C12orf42: variants seen among roughly 807,000 people sequenced by gnomAD.
C12orf42 encodes chromosome 12 open reading frame 42, also known as uncharacterized protein C12orf42.
Under a neutral mutation model 21.6 loss-of-function variants are expected in C12orf42, and 25 were observed. The observed-to-expected ratio is 1.16, with a 90% confidence interval of 0.84 to 1.62. The LOEUF (loss-of-function observed/expected upper bound fraction) is 1.62. Among genes scored for constraint, C12orf42 ranks in the 40% most tolerant of loss-of-function variants. The pLI is 0.00. For missense variants in C12orf42, 483 were observed against 459.3 expected (o/e 1.05, Z -0.47); for synonymous variants, 174 against 175.0 (o/e 0.99, Z 0.05).
chr12:103,487,710 T>G (rs1954928192), intron 1 of C12orf42, among the ~76,000 whole-genome samples: 1 of 152,232 alleles, frequency 6.6e-6, no homozygotes, highest in African/African-American at 2.4e-5. Context: ...CATTATATAA[T>G]GGCCTTCTTT....
intron 10 of C12orf42, among the ~76,000 whole-genome samples, chr12:103,261,350 T>G (rs1183754091): frequency 6.6e-6 from 1 of 151,726 alleles, no homozygotes; most frequent in Non-Finnish European, 1.5e-5. Context: ...GGCTATGTGG[T>G]ATATGCCTGT....
At chr12:103,412,472 T>C (rs4488299) in intron 2 of C12orf42, among the ~76,000 whole-genome samples, 124,747 of 152,160 alleles carry the variant, frequency 0.82, 51,202 homozygotes, top group Admixed American at 0.88. Flanking sequence ...AGTTCGAGAC[T>C]GGCCTGGCCA....
At chr12:103,210,943 C>T in the C12orf42 span, among the ~76,000 whole-genome samples, 6 of 151,986 alleles carry the variant, frequency 3.9e-5, no homozygotes, top group Non-Finnish European at 8.8e-5. Flanking sequence ...GAGCTATGAT[C>T]GCACCACATC....
chr12:103,208,232 C>T, the C12orf42 span, among the ~76,000 whole-genome samples: 1 of 152,196 alleles, frequency 6.6e-6, no homozygotes, highest in Non-Finnish European at 1.5e-5. Flanking sequence ...TGAAGAGGGG[C>T]TGGCCCATTG....
intron 2 of C12orf42, among the ~76,000 whole-genome samples, chr12:103,451,841 C>T (rs1163986925): frequency 6.6e-6 from 1 of 151,978 alleles, no homozygotes; most frequent in Non-Finnish European, 1.5e-5. Flanking sequence ...AGTTTGCTTG[C>T]CATTTTCCCA....
the C12orf42 span, among the ~76,000 whole-genome samples, chr12:103,554,458 T>G: frequency 1.1e-4 from 16 of 152,160 alleles, no homozygotes. Context: ...TCTCCCAGTT[T>G]GAGTTCTCCA....
the C12orf42 span, among the ~76,000 whole-genome samples, chr12:103,224,537 G>A: frequency 6.6e-6 from 1 of 152,238 alleles, no homozygotes; most frequent in East Asian, 1.9e-4. Context: ...GGGGTCAGGT[G>A]TGGTATCAGG....
the C12orf42 span, among the ~76,000 whole-genome samples, chr12:103,134,140 T>G: frequency 6.6e-6 from 1 of 152,128 alleles, no homozygotes; most frequent in Non-Finnish European, 1.5e-5. Context: ...TTTTAAAAAT[T>G]GAAAGAAGTG....
intron 4 of C12orf42, among the ~76,000 whole-genome samples, chr12:103,325,423 T>C (rs1463578478): frequency 6.6e-6 from 1 of 152,220 alleles, no homozygotes; most frequent in Non-Finnish European, 1.5e-5. Flanking sequence ...CCTGCCCAAC[T>C]ACAGGTTCTC....
intron 4 of C12orf42, among the ~76,000 whole-genome samples, chr12:103,296,490 C>T (rs182759839): frequency 1.4e-4 from 22 of 152,236 alleles, no homozygotes; most frequent in Admixed American, 7.2e-4. Context: ...AGTGTAAAAG[C>T]GTTCCTATTT....
At chr12:103,391,010 G>T (rs1353232703) in intron 3 of C12orf42, among the ~76,000 whole-genome samples, 1 of 152,060 alleles carries the variant, frequency 6.6e-6, no homozygotes, top group Non-Finnish European at 1.5e-5. Flanking sequence ...CAATCAAGTT[G>T]GCACAAAATG....
intron 4 of C12orf42, among the ~76,000 whole-genome samples, chr12:103,364,803 C>G (rs751077489): frequency 2.6e-5 from 4 of 151,910 alleles, no homozygotes; most frequent in Admixed American, 1.3e-4. Context: ...AAACCCTGAA[C>G]AGAACAATAA....
At chr12:103,347,089 G>T (rs1360794334) in intron 4 of C12orf42, among the ~76,000 whole-genome samples, 1 of 151,990 alleles carries the variant, frequency 6.6e-6, no homozygotes, top group Admixed American at 6.6e-5. Context: ...TTAAGTTCTG[G>T]GTTACATGAG....
the C12orf42 span, among the ~76,000 whole-genome samples, chr12:103,533,919 A>C: frequency 6.9e-6 from 1 of 144,274 alleles, no homozygotes; most frequent in South Asian, 2.3e-4. Context: ...AGTCTTGGGC[A>C]AGTCTTAATT....
At chr12:103,393,714 AG>A (rs1469627910) in intron 3 of C12orf42, among the ~76,000 whole-genome samples, 18 of 152,324 alleles carry the variant, frequency 1.2e-4, no homozygotes, top group African/African-American at 4.1e-4. Context: ...ATTAATGCCT[AG>A]TATATATTGC....
At chr12:103,112,766 G>A in the C12orf42 span, among the ~76,000 whole-genome samples, 1 of 152,134 alleles carries the variant, frequency 6.6e-6, no homozygotes, top group South Asian at 2.1e-4. Flanking sequence ...TCATGATCTG[G>A]TCTCTACAGC....
chr12:103,134,534 A>G, the C12orf42 span, among the ~76,000 whole-genome samples: 5 of 151,962 alleles, frequency 3.3e-5, no homozygotes, highest in Non-Finnish European at 7.4e-5. Flanking sequence ...CAGAACTTAA[A>G]GACAGGTATT....
At chr12:103,320,219 A>T (rs11111524) in intron 4 of C12orf42, among the ~76,000 whole-genome samples, 5 of 152,200 alleles carry the variant, frequency 3.3e-5, no homozygotes, top group Non-Finnish European at 7.3e-5. Flanking sequence ...ACGGTGAGAG[A>T]TAATGGTTAA....
chr12:103,050,633 G>A, the C12orf42 span, among the ~76,000 whole-genome samples: 1 of 151,948 alleles, frequency 6.6e-6, no homozygotes, highest in Non-Finnish European at 1.5e-5. Flanking sequence ...GCCAGGACAA[G>A]CAGCCCTAGA....
Sources: gnomAD v4.1 joint callset for allele counts (sites outside exome capture counted in the v4.1 genomes callset) on GRCh38, gnomAD v4.1.1 for gene constraint, MANE v1.5 for transcripts, NCBI Gene and HGNC (gene_info 2026-07-23, HGNC 2026-07-21) for gene names.